Variants in TGFB1 observed in about 807,000 individuals in gnomAD.
TGFB1 encodes the protein transforming growth factor beta-1 proprotein.
In TGFB1, 19 loss-of-function variants were observed where a neutral mutation model predicts 43.8. That is an observed-to-expected ratio of 0.43 (90% CI 0.30 to 0.64). The LOEUF (loss-of-function observed/expected upper bound fraction) is 0.64, where lower values mean the gene tolerates loss of function less well. TGFB1 is among the 30% of genes least tolerant of loss of function. TGFB1 has a pLI of 0.11. For missense variants in TGFB1, 445 were observed against 529.8 expected (o/e 0.84, Z 1.57); for synonymous variants, 221 against 236.3 (o/e 0.94, Z 0.60).
intron 3 of TGFB1, among the ~76,000 whole-genome samples, chr19:41,342,902 C>G (rs2038074699): frequency 6.6e-6 from 1 of 151,976 alleles, no homozygotes; most frequent in African/African-American, 2.4e-5. Flanking sequence ...CTGCCCTGGC[C>G]TCCCGAAGTG....
chr19:41,347,084 G>A (rs1222528723), intron 2 of TGFB1, among the ~76,000 whole-genome samples: 1 of 151,780 alleles, frequency 6.6e-6, no homozygotes, highest in Non-Finnish European at 1.5e-5. Context: ...ATGCAGTGGT[G>A]CAATCACAGT....
Position 41,341,866 on chromosome 19 carries a change from C to T in TGFB1, c.860+17G>A. 1 of 1,612,810 alleles carries T rather than the reference C, an allele frequency of 6.2e-7. No individual in the cohort carries two copies. Among genetic ancestry groups the T allele is most frequent in the Non-Finnish European group, 8.5e-7 (1 of 1,179,882 alleles). ...GCCCCCAGCCTGGAAGGCCTCCATC[C>T]AGGCTACAAGGCTCACCTGAAGCAA... is the stretch of plus-strand genomic sequence containing the variant. On this transcript the variant is annotated intron_variant, in intron 5 of 6. Transcript: ENST00000221930.
At chr19:41,350,366 G>A (rs2038172314) in intron 1 of TGFB1, among the ~76,000 whole-genome samples, 1 of 146,676 alleles carries the variant, frequency 6.8e-6, no homozygotes, top group South Asian at 2.1e-4. Flanking sequence ...GTGCAGTGGC[G>A]CGATCTTGGC....
chr19:41,352,295 T>C (rs1257668873), intron 1 of TGFB1, among the ~76,000 whole-genome samples: 3 of 151,544 alleles, frequency 2.0e-5, no homozygotes, highest in African/African-American at 7.3e-5. Flanking sequence ...TGCTGGGGTC[T>C]TCGCTTCTCC....
At position 41,353,216 on chromosome 19, in the gene TGFB1, G is replaced by A. The variant is rs2038237628; in HGVS notation, c.-172C>T. ...AGTGGTGGAGGGGAGGCTTGGACCG[G>A]GGGTGTCTCAGTATCCCACGGAAAT... On this transcript the variant is annotated 5_prime_UTR_variant, in exon 1 of 7. Transcript: ENST00000221930. The surrounding 1 kb of genome is among the most constrained non-coding windows in gnomAD (Gnocchi z 5.9). 2.5e-6 allele frequency: 2 copies of A among 795,784 alleles called. No individual in the cohort carries two copies. Among genetic ancestry groups the A allele is most frequent in the Non-Finnish European group, 3.8e-6 (2 of 532,792 alleles). 49.3% of individuals were successfully genotyped at this position (795,784 alleles called of 1,614,324 possible). A position where few individuals can be genotyped will look rare whatever the true frequency, so the allele number is the denominator to read the frequency against.
chr19:41,334,155 A>G (rs749409234), intron 5 of TGFB1, among the ~76,000 whole-genome samples: 15 of 151,322 alleles, frequency 9.9e-5, no homozygotes, highest in Non-Finnish European at 1.5e-4. Flanking sequence ...CGGGTGGATC[A>G]CCTGAGATCA....
At chr19:41,343,443 CT>C (rs952069464) in intron 3 of TGFB1, among the ~76,000 whole-genome samples, 1 of 151,848 alleles carries the variant, frequency 6.6e-6, no homozygotes, top group African/African-American at 2.4e-5. Context: ...CCCCTAATCC[CT>C]TTTTTTTCAT....
chr19:41,341,141 C>T (rs1479581536), intron 5 of TGFB1, among the ~76,000 whole-genome samples: 2 of 151,536 alleles, frequency 1.3e-5, no homozygotes, highest in African/African-American at 4.9e-5. Flanking sequence ...ACCATCCTGG[C>T]TAACATGGTG....
chr19:41,348,255 C>T (rs1277802103), intron 2 of TGFB1, 40 bp downstream of exon 2: 10 of 1,609,390 alleles, frequency 6.2e-6, no homozygotes, highest in Non-Finnish European at 8.5e-6. Flanking sequence ...TCACCCTCTC[C>T]AGCCCATGCC....
At chr19:41,339,572 C>T (rs778058384) in intron 5 of TGFB1, among the ~76,000 whole-genome samples, 1 of 152,016 alleles carries the variant, frequency 6.6e-6, no homozygotes, top group Non-Finnish European at 1.5e-5. Context: ...TGCCTGTAAT[C>T]CCAGCACTTT....
chr19:41,347,869 C>T (rs1181368799), intron 2 of TGFB1, among the ~76,000 whole-genome samples: 1 of 150,212 alleles, frequency 6.7e-6, no homozygotes, highest in Non-Finnish European at 1.5e-5. Flanking sequence ...CGCAGTGGCT[C>T]ACGCCTGTAA....
intron 5 of TGFB1, among the ~76,000 whole-genome samples, chr19:41,333,609 T>G (rs868790000): frequency 3.9e-5 from 6 of 152,192 alleles, no homozygotes; most frequent in African/African-American, 1.4e-4. Flanking sequence ...TCCGCACGCC[T>G]CGGCCTCCCA....
At chr19:41,338,416 C>A (rs1046132323) in intron 5 of TGFB1, among the ~76,000 whole-genome samples, 5 of 151,112 alleles carry the variant, frequency 3.3e-5, no homozygotes, top group Admixed American at 1.3e-4. Context: ...ATTGCTTGAA[C>A]CCCCGGGAGG....
At chr19:41,332,010 CCTCT>C (rs921117442) in intron 6 of TGFB1, 114 bp downstream of exon 6, 74 of 1,359,558 alleles carry the variant, frequency 5.4e-5, no homozygotes, top group Admixed American at 2.5e-4. Flanking sequence ...CCACCCCATC[CCTCT>C]CTTTCTCCCC....
chr19:41,331,040 C>T lies in TGFB1; in HGVS notation c.*12G>A. On this transcript the variant is annotated 3_prime_UTR_variant, in exon 7 of 7. Transcript: ENST00000221930. ...CCGGGCCTGCCGGGGCGGGGCGGGG[C>T]GGGGCGGGACCTCAGCTGCACTTGC... 1.7e-6 allele frequency: 1 copy of T among 596,648 alleles called. No individual in the cohort carries two copies. The allele number at this position is 596,648 out of a possible 1,614,324, so 37.0% of individuals were successfully genotyped here.
At chr19:41,338,011 G>A (rs1332869195) in intron 5 of TGFB1, among the ~76,000 whole-genome samples, 1 of 152,052 alleles carries the variant, frequency 6.6e-6, no homozygotes, top group African/African-American at 2.4e-5. Flanking sequence ...GGCCAACATG[G>A]TGAAACCCCG....
Position 41,348,632 on chromosome 19 carries a change from T to A in TGFB1, c.356-177A>T, listed in dbSNP as rs58675726. Among the ~76,000 whole-genome samples the A allele has an allele frequency of 6.8e-3, 1,029 of 150,416 alleles. 12 individuals carry two copies. The highest frequency in any genetic ancestry group is 0.022 in the African/African-American group (907 of 41,106). On this transcript the variant is annotated intron_variant, in intron 1 of 6. Transcript: ENST00000221930. ...ATTTATTTATTTAAATGAATTTTTT[T>A]TTTTTTTTGAGACGGAGACTCGCTC...
intron 3 of TGFB1, among the ~76,000 whole-genome samples, chr19:41,343,658 A>T (rs2038083669): frequency 6.6e-6 from 1 of 152,090 alleles, no homozygotes; most frequent in South Asian, 2.1e-4. Flanking sequence ...ATTCTAGGTC[A>T]TTCCTGCCTG....
chr19:41,334,212 T>C (rs1470343775), intron 5 of TGFB1, among the ~76,000 whole-genome samples: 2 of 151,860 alleles, frequency 1.3e-5, no homozygotes, highest in African/African-American at 4.8e-5. Context: ...CCGTCTCTAC[T>C]AAAAATACAA....
Sources: gnomAD v4.1 joint callset for allele counts (sites outside exome capture counted in the v4.1 genomes callset) on GRCh38, gnomAD v4.1.1 for gene constraint, Gnocchi (gnomAD v3.1) non-coding constraint, MANE v1.5 for transcripts, NCBI Gene and HGNC (gene_info 2026-07-23, HGNC 2026-07-21) for gene names.